Variants in DNAH7 observed in about 807,000 individuals in gnomAD.
DNAH7 encodes axonemal beta dynein heavy chain 7.
In DNAH7, 397 loss-of-function variants were observed where a neutral mutation model predicts 444.6. The observed-to-expected ratio is 0.89, with a 90% CI of 0.82 to 0.97. DNAH7 has a LOEUF of 0.97. Among genes scored for constraint, DNAH7 ranks in the 50% least tolerant of loss-of-function variants. DNAH7 has a pLI of 0.00. For missense variants in DNAH7, 4,902 were observed against 4,800.8 expected, an observed-to-expected ratio of 1.02 and a Z score of -0.62; for synonymous variants, 1,636 against 1,624.4, an observed-to-expected ratio of 1.01 and a Z score of -0.17.
chr2:195,891,257 G>A (rs1206940312), intron 31 of DNAH7, among the ~76,000 whole-genome samples: 3 of 152,206 alleles, frequency 2.0e-5, no homozygotes, highest in Non-Finnish European at 2.9e-5. Context: ...AAGCATTGGC[G>A]TATATCTAAC....
At chr2:195,915,591 AT>A (rs1687627084) in intron 24 of DNAH7, among the ~76,000 whole-genome samples, 1 of 152,208 alleles carries the variant, frequency 6.6e-6, no homozygotes, top group Non-Finnish European at 1.5e-5. Flanking sequence ...TATTGACTAT[AT>A]CAGCCATATG....
chr2:195,873,762 C>A, intron 38 of DNAH7, 68 bp from the exon 39 acceptor site: 2 of 1,214,050 alleles, frequency 1.6e-6, no homozygotes, highest in South Asian at 2.3e-5. Context: ...CTCAAATATT[C>A]TATAGTTTAA....
Position 195,969,950 on chromosome 2 carries a change from T to C in DNAH7, c.2203A>G (p.Lys735Glu), listed in dbSNP as rs778400795. Residue 735 changes from lysine to glutamate, a missense_variant and splice_region_variant, in exon 17 of 65, where the codon AAG (lysine) becomes GAG (glutamate). Coordinates refer to ENST00000312428, the MANE Select transcript of DNAH7 (RefSeq NM_018897.3). The stretch of plus-strand genomic sequence containing the variant: ...TTTTAAGAATTTTTGAATTATACCT[T>C]ATCTGCAGCTAAATCCAACTTTCCA... The part of the protein sequence containing the change: ...LNGKLDLAAD[K>E]IEQFNAEEEA... The C allele has an allele frequency of 2.5e-6, 4 of 1,604,340 alleles. No individual in the cohort carries two copies. Among genetic ancestry groups the C allele is most frequent in the South Asian group, 2.3e-5 (2 of 87,840 alleles).
At chr2:196,044,003 T>G (rs1332085811) in intron 5 of DNAH7, among the ~76,000 whole-genome samples, 1 of 152,070 alleles carries the variant, frequency 6.6e-6, no homozygotes, top group East Asian at 1.9e-4. Flanking sequence ...TGGAGATTCC[T>G]TAAAGAACTA....
At chr2:195,915,957 G>A (rs554551498) in intron 24 of DNAH7, among the ~76,000 whole-genome samples, 16 of 152,220 alleles carry the variant, frequency 1.1e-4, no homozygotes, top group Admixed American at 2.0e-4. Context: ...TAGCTCTTTA[G>A]GTGCTCTGAA....
intron 27 of DNAH7, chr2:195,904,239 C>G (rs1006146923): frequency 2.0e-5 from 3 of 152,316 alleles, no homozygotes; most frequent in African/African-American, 7.2e-5. Flanking sequence ...AGCTATAAAT[C>G]TCAGCCAAGT....
intron 28 of DNAH7, among the ~76,000 whole-genome samples, chr2:195,899,362 CT>C (rs1273486279): frequency 6.6e-6 from 1 of 152,142 alleles, no homozygotes; most frequent in African/African-American, 2.4e-5. Flanking sequence ...ACTTTAATAG[CT>C]CAATTCCATA....
intron 5 of DNAH7, among the ~76,000 whole-genome samples, chr2:196,030,930 G>A (rs897764579): frequency 6.6e-6 from 1 of 152,082 alleles, no homozygotes; most frequent in Non-Finnish European, 1.5e-5. Flanking sequence ...CTACCATGCT[G>A]GGGTCTGAAG....
intron 56 of DNAH7, 41 bp downstream of exon 56, chr2:195,796,535 C>G: frequency 6.2e-7 from 1 of 1,603,656 alleles, no homozygotes; most frequent in Non-Finnish European, 8.5e-7. Context: ...CTAATTAGAT[C>G]CAGGGAATGC....
rs756976667 is a variant in DNAH7, at chr2:196,012,854, C to G, written c.922G>C (p.Glu308Gln). Residue 308 changes from glutamate to glutamine, a missense_variant, in exon 10 of 65, where the codon GAG (glutamate) becomes CAG (glutamine). By Grantham distance (29) the Glu-to-Gln change is conservative (BLOSUM62 2). Transcript: ENST00000312428. Reference protein sequence around the residue: ...KEFHNCQDALELSSFQNIIMR... With the variant: ...KEFHNCQDALQLSSFQNIIMR... ...ATAATGTTCTGAAAACTTGACAGCT[C>G]TAATGCATCCTGGCAATTATGAAAT... The G allele has an allele frequency of 2.1e-5, 33 of 1,555,508 alleles. No homozygotes were observed. Among genetic ancestry groups the G allele is most frequent in the African/African-American group, 2.8e-5 (2 of 72,008 alleles).
At chr2:195,811,182 TTG>T (rs1696952142) in intron 51 of DNAH7, among the ~76,000 whole-genome samples, 2 of 152,024 alleles carry the variant, frequency 1.3e-5, no homozygotes, top group African/African-American at 4.8e-5. Context: ...TCTGATGGAA[TTG>T]TGTGTTTGAA....
intron 57 of DNAH7, among the ~76,000 whole-genome samples, chr2:195,789,961 A>C (rs1414450814): frequency 1.3e-5 from 2 of 152,308 alleles, no homozygotes; most frequent in East Asian, 3.9e-4. Flanking sequence ...GAACTGATAA[A>C]TGACTTCAGT....
chr2:195,929,443 A>G (rs997815532), intron 21 of DNAH7, among the ~76,000 whole-genome samples: 2 of 152,198 alleles, frequency 1.3e-5, no homozygotes, highest in African/African-American at 4.8e-5. Flanking sequence ...GAACAAAGCC[A>G]GAAGCATTAC....
intron 58 of DNAH7, among the ~76,000 whole-genome samples, chr2:195,786,360 T>C (rs1695621581): frequency 6.6e-6 from 1 of 152,226 alleles, no homozygotes; most frequent in African/African-American, 2.4e-5. Context: ...ATAGGACATT[T>C]GGGTTTATTT....
At chr2:195,848,994 T>C (rs1396475201) in intron 46 of DNAH7, among the ~76,000 whole-genome samples, 1 of 152,240 alleles carries the variant, frequency 6.6e-6, no homozygotes, top group Non-Finnish European at 1.5e-5. Context: ...TTTTCCCCAT[T>C]CCCTTTGCAG....
chr2:196,061,146 T>C (rs558861721), intron 1 of DNAH7, among the ~76,000 whole-genome samples: 1 of 152,264 alleles, frequency 6.6e-6, no homozygotes, highest in East Asian at 1.9e-4. Context: ...TATATTTTTA[T>C]GAAGTCTAGT....
chr2:195,814,204 A>G (rs1311099075), intron 51 of DNAH7, among the ~76,000 whole-genome samples: 2 of 152,258 alleles, frequency 1.3e-5, no homozygotes, highest in African/African-American at 4.8e-5. Context: ...GATAACTTCA[A>G]TAAAAGTTTT....
intron 51 of DNAH7, among the ~76,000 whole-genome samples, chr2:195,816,191 A>G (rs1275798674): frequency 7.2e-5 from 11 of 152,182 alleles, no homozygotes; most frequent in Admixed American, 7.2e-4. Flanking sequence ...TATTACCACA[A>G]ATAATCGCAA....
intron 25 of DNAH7, among the ~76,000 whole-genome samples, chr2:195,909,238 A>C (rs1224075036): frequency 6.6e-6 from 1 of 152,200 alleles, no homozygotes; most frequent in Non-Finnish European, 1.5e-5. Context: ...GGAACCTAAA[A>C]TAAAAATTGG....
Sources: allele counts gnomAD v4.1 joint callset (sites outside exome capture counted in the v4.1 genomes callset), GRCh38; gene constraint gnomAD v4.1.1; transcripts MANE v1.5; gene names NCBI Gene and HGNC (gene_info 2026-07-23, HGNC 2026-07-21).